PIP5K1B: variants seen among roughly 807,000 people sequenced by gnomAD.
The protein encoded by PIP5K1B is phosphatidylinositol 4-phosphate 5-kinase type-1 beta.
PIP5K1B carries 42 observed loss-of-function variants against 67.0 expected under a neutral mutation model. The ratio of observed to expected loss-of-function variants is 0.63; its 90% confidence interval spans 0.49 to 0.81. The LOEUF is 0.81. PIP5K1B is among the 30% of genes least tolerant of loss of function. The probability of loss-of-function intolerance (pLI) is 0.00; values close to 1 mark genes in which losing one functional copy is unlikely to be tolerated. For synonymous variants in PIP5K1B, 214 were observed against 231.4 expected, an observed-to-expected ratio of 0.92 and a Z score of 0.68; for missense variants, 459 against 646.3, an observed-to-expected ratio of 0.71 and a Z score of 3.14.
chr9:68,895,265 T>TAA lies in PIP5K1B; in HGVS notation c.771+648_771+649dup, dbSNP rs11342436. Among the ~76,000 whole-genome samples the TAA allele has an allele frequency of 7.2e-3, 870 of 121,078 alleles. 9 individuals carry two copies. Among genetic ancestry groups the TAA allele is most frequent in the African/African-American group, 0.025 (799 of 31,840 alleles). 79.4% of individuals were successfully genotyped at this position (121,078 alleles called of 152,430 possible). A position where few individuals can be genotyped will look rare whatever the true frequency, so the allele number is the denominator to read the frequency against. On this transcript the variant is annotated intron_variant, in intron 8 of 15. Coordinates refer to ENST00000265382, the MANE Select transcript of PIP5K1B (RefSeq NM_003558.4). ...GGAATTCCCCCAGGCTGCAATGCTT[T>TAA]AAAAAAAAAAAAAAAAAAAAAACTA...
intron 14 of PIP5K1B, among the ~76,000 whole-genome samples, chr9:68,952,727 T>C (rs1487418322): frequency 2.6e-5 from 4 of 152,146 alleles, no homozygotes; most frequent in African/African-American, 9.7e-5. Context: ...AGTTTCCAAT[T>C]ACCATTGAGA....
chr9:68,732,007 G>T (rs1198455863), intron 1 of PIP5K1B, among the ~76,000 whole-genome samples: 1 of 152,212 alleles, frequency 6.6e-6, no homozygotes, highest in African/African-American at 2.4e-5. Context: ...CTTCTGGCTG[G>T]TCTCTGTCTT....
At chr9:69,005,206 G>A (rs567363350) in intron 15 of PIP5K1B, among the ~76,000 whole-genome samples, 2 of 151,636 alleles carry the variant, frequency 1.3e-5, no homozygotes, top group Non-Finnish European at 2.9e-5. Flanking sequence ...TTTTAATACT[G>A]AGGAGAGTAT....
intron 8 of PIP5K1B, among the ~76,000 whole-genome samples, chr9:68,916,077 T>C (rs1172928932): frequency 1.3e-5 from 2 of 152,180 alleles, no homozygotes; most frequent in African/African-American, 2.4e-5. Flanking sequence ...TAAACAATTA[T>C]CTATAGGCTA....
In PIP5K1B at chr9:68,917,550, G is replaced by T. The variant is rs1251410585; in HGVS notation, c.774G>T (p.Val258=). 5 of 1,611,788 alleles carry T rather than the reference G, an allele frequency of 3.1e-6. No individual in the cohort carries two copies. In the East Asian group the frequency reaches 1.1e-4, roughly 36 times the overall value. The change falls in exon 9 of 16, where the codon GTG becomes GTT. Residue 258 remains valine (V), a splice_region_variant and synonymous_variant. Coordinates refer to ENST00000265382, the MANE Select transcript of PIP5K1B (RefSeq NM_003558.4). Reference sequence around the variant, plus strand: ...TCCTGGTTCTTTTTCTCATTCAGGTGCTAGAAAGCTTCAAGATCATGGATT... The same window carrying T: ...TCCTGGTTCTTTTTCTCATTCAGGTTCTAGAAAGCTTCAAGATCATGGATT... ...LMKTLQRDCR[V]LESFKIMDYS...
At chr9:68,903,568 G>T (rs928681364) in intron 8 of PIP5K1B, among the ~76,000 whole-genome samples, 7 of 152,184 alleles carry the variant, frequency 4.6e-5, no homozygotes, top group East Asian at 1.9e-4. Flanking sequence ...TTGGGAGGGG[G>T]CTGGTGTTTG....
chr9:68,923,729 A>G (rs12352746), intron 12 of PIP5K1B, among the ~76,000 whole-genome samples: 13,011 of 152,248 alleles, frequency 0.085, 1,162 homozygotes, highest in African/African-American at 0.23. Context: ...TTATGTAGTT[A>G]TCAGTCTGTA....
chr9:69,007,587 GT>G (rs1831138505), intron 15 of PIP5K1B, among the ~76,000 whole-genome samples: 1 of 152,190 alleles, frequency 6.6e-6, no homozygotes, highest in South Asian at 2.1e-4. Flanking sequence ...GCCGGGTGAG[GT>G]GGCTCACGCC....
At chr9:68,884,861 G>A (rs904144722) in intron 6 of PIP5K1B, among the ~76,000 whole-genome samples, 1 of 152,156 alleles carries the variant, frequency 6.6e-6, no homozygotes, top group Non-Finnish European at 1.5e-5. Flanking sequence ...CTGTTGGTGG[G>A]AATGTAAATT....
chr9:68,894,882 T>A (rs985526110), intron 8 of PIP5K1B, among the ~76,000 whole-genome samples: 1 of 152,206 alleles, frequency 6.6e-6, no homozygotes, highest in African/African-American at 2.4e-5. Flanking sequence ...TAAGTCAGCT[T>A]TCTTTGATAA....
At chr9:68,878,190 C>T (rs1192051198) in intron 6 of PIP5K1B, among the ~76,000 whole-genome samples, 2 of 152,174 alleles carry the variant, frequency 1.3e-5, no homozygotes, top group Non-Finnish European at 2.9e-5. Context: ...CTGCCACACA[C>T]TCAAATTTAA....
intron 7 of PIP5K1B, among the ~76,000 whole-genome samples, chr9:68,892,041 T>A (rs1824816869): frequency 6.6e-6 from 1 of 152,078 alleles, no homozygotes; most frequent in African/African-American, 2.4e-5. Flanking sequence ...AAAACAAATG[T>A]TACAAGACCA....
chr9:68,710,666 G>A (rs1587323953), intron 1 of PIP5K1B, among the ~76,000 whole-genome samples: 1 of 152,214 alleles, frequency 6.6e-6, no homozygotes, highest in East Asian at 1.9e-4. Flanking sequence ...GAGTGATTGG[G>A]ACAAGGTTGC....
chr9:68,991,190 A>G lies in PIP5K1B; in HGVS notation c.1553A>G (p.Tyr518Cys), dbSNP rs2132955620. 1 of 1,612,484 alleles carries G rather than the reference A, an allele frequency of 6.2e-7. No individual in the cohort carries two copies. The highest frequency in any genetic ancestry group is 2.2e-5 in the East Asian group (1 of 44,866). ...TTTACCTTGGAAGAGGGGACCATCTACTTGACCGCTGAGCCCAACACTCTG... is the reference window on the plus strand; with the variant it reads ...TTTACCTTGGAAGAGGGGACCATCTGCTTGACCGCTGAGCCCAACACTCTG... ...STFTLEEGTI[Y>C]LTAEPNTLEV... is the part of the protein sequence containing the mutation. The change falls in exon 15 of 16, where the codon TAC (tyrosine) becomes TGC (cysteine). Residue 518 changes from tyrosine (Y) to cysteine (C), a missense_variant. Physicochemically the swap from Tyr to Cys is radical, Grantham distance 194. Coordinates refer to ENST00000265382, the MANE Select transcript of PIP5K1B (RefSeq NM_003558.4).
chr9:68,848,848 A>G (rs534718000), intron 4 of PIP5K1B, among the ~76,000 whole-genome samples: 32 of 152,270 alleles, frequency 2.1e-4, no homozygotes, highest in Non-Finnish European at 4.1e-4. Flanking sequence ...AATGAAAATT[A>G]TAAAGTTAAG....
At position 68,726,498 on chromosome 9, in the gene PIP5K1B, A is replaced by G. The variant is rs116205463; in HGVS notation, c.-242-16003A>G. On this transcript the variant is annotated intron_variant, in intron 1 of 15. Transcript: ENST00000265382. ...GGCTGGCAGTGAATAGAGTGGCACA[A>G]TCATAATCATACAGGTGCCGTTTCT... Among the ~76,000 whole-genome samples, 838 of 152,324 alleles carry G rather than the reference A, an allele frequency of 5.5e-3. 6 individuals are homozygous for G. The highest frequency in any genetic ancestry group is 0.019 in the African/African-American group (801 of 41,566).
At chr9:68,794,876 T>A (rs1832201154) in intron 2 of PIP5K1B, among the ~76,000 whole-genome samples, 1 of 152,168 alleles carries the variant, frequency 6.6e-6, no homozygotes, top group Non-Finnish European at 1.5e-5. Context: ...CATAGAATAT[T>A]GTCAGGTTCC....
intron 2 of PIP5K1B, chr9:68,788,474 T>TTTTTGTTTTGTTTTG (rs71353082): frequency 0.69 from 199,574 of 291,218 alleles, 70,931 homozygotes; most frequent in Admixed American, 0.73. Context: ...ATCAGGAAGG[T>TTTTTGTTTTGTTTTG]TTTTGTTTTG....
At chr9:68,848,383 C>T (rs1280076412) in intron 4 of PIP5K1B, among the ~76,000 whole-genome samples, 1 of 152,200 alleles carries the variant, frequency 6.6e-6, no homozygotes, top group Non-Finnish European at 1.5e-5. Flanking sequence ...TAGGCAGGCA[C>T]AATTGCAGTT....
Sources: gnomAD v4.1 joint callset for allele counts (sites outside exome capture counted in the v4.1 genomes callset) on GRCh38, gnomAD v4.1.1 for gene constraint, MANE v1.5 for transcripts, NCBI Gene and HGNC (gene_info 2026-07-23, HGNC 2026-07-21) for gene names.